MAP1A: variants seen among roughly 807,000 people sequenced by gnomAD.
The protein encoded by MAP1A is microtubule associated protein 1A.
In MAP1A, 42 loss-of-function variants were observed where a neutral mutation model predicts 185.9. That is an observed-to-expected ratio of 0.23 (90% CI 0.18 to 0.29). MAP1A has a LOEUF of 0.29. Ranked by LOEUF, MAP1A falls within the 10% of genes least tolerant of loss-of-function variation. The pLI, the probability that MAP1A is intolerant of heterozygous loss-of-function variation, is 1.00. For synonymous variants in MAP1A, 1,229 were observed against 1,335.9 expected (o/e 0.92, Z 1.74); for missense variants, 2,995 against 3,450.4 (o/e 0.87, Z 3.31).
In MAP1A at chr15:43,523,070, C is replaced by A; in HGVS notation, c.1597C>A (p.Gln533Lys). 1 of 1,614,190 alleles carries A rather than the reference C, an allele frequency of 6.2e-7. No homozygotes were observed. Among genetic ancestry groups the A allele is most frequent in the Non-Finnish European group, 8.5e-7 (1 of 1,180,042 alleles). ...CCTATCCTCACCAGAGGACCTCACA[C>A]AGGACTTTGAGGAGATGAAGCGTGA... Reference protein sequence around the residue: ...LVLSSPEDLTQDFEEMKREER... With the variant: ...LVLSSPEDLTKDFEEMKREER... Residue 533 changes from glutamine (Q) to lysine (K), a missense_variant, in exon 4 of 6, where the codon CAG (glutamine) becomes AAG (lysine). Physicochemically the swap from Gln to Lys is moderately conservative, Grantham distance 53 (BLOSUM62 1). Coordinates refer to ENST00000300231, the MANE Select transcript of MAP1A (RefSeq NM_002373.6).
upstream of MAP1A, among the ~76,000 whole-genome samples, chr15:43,514,023 C>T (rs1200018061): frequency 6.6e-6 from 1 of 152,214 alleles, no homozygotes; most frequent in Non-Finnish European, 1.5e-5. Flanking sequence ...AACCAAAGTA[C>T]TTAGCCATTC....
rs749638701 is a variant in MAP1A at position 43,530,722 on chromosome 15, TCTC to T, written c.*502_*504del. The T allele has an allele frequency of 6.6e-5, 11 of 167,622 alleles. No individual in the cohort carries two copies. The highest frequency in any genetic ancestry group is 1.1e-4 in the Non-Finnish European group (8 of 76,062). 10.4% of individuals were successfully genotyped at this position (167,622 alleles called of 1,614,324 possible). On this transcript the variant is annotated 3_prime_UTR_variant, in exon 6 of 6. Coordinates refer to ENST00000300231, the MANE Select transcript of MAP1A (RefSeq NM_002373.6). ...CCTTTCCTCCATTTCCCATCCCCCATCTCCTCAACCACCAGGGTCTGAGTTCTA... is the reference window on the plus strand; with the variant it reads ...CCTTTCCTCCATTTCCCATCCCCCATCTCAACCACCAGGGTCTGAGTTCTA...
rs1417194240 is a variant in MAP1A, at chr15:43,511,155, CTT to C, written c.169_170del (p.Leu57AlafsTer21). 4.5e-6 allele frequency: 7 copies of C among 1,550,558 alleles called. No individual in the cohort carries two copies. The East Asian group carries it at 9.8e-5, about 22-fold the overall frequency. ...GCACGCTGGGACCTGCAGAAGCACT[CTT>C]TGCTAATTGTGATCGGCGATATCGG... On this transcript the variant is annotated frameshift_variant, in exon 1 of 7. Coordinates refer to the MAP1A transcript ENST00000382031. LOFTEE classifies it high-confidence loss of function.
chr15:43,510,964 G>A (rs756286518), exon 1 of MAP1A: 3 of 1,489,088 alleles, frequency 2.0e-6, no homozygotes, highest in African/African-American at 2.8e-5. Flanking sequence ...GGAAGCTGCC[G>A]GACTAACACT....
At position 43,524,854 on chromosome 15, in the gene MAP1A, A is replaced by G; in HGVS notation, c.3381A>G (p.Gln1127=). 6.2e-7 allele frequency: 1 copy of G among 1,614,192 alleles called. No homozygotes were observed. The highest frequency in any genetic ancestry group is 1.7e-5 in the Admixed American group (1 of 60,028). The part of the protein sequence containing the change: ...ALPGGLRTLP[Q]EPGKPQKDEV... ...CCGGAGGTTTGAGGACTTTACCCCA[A>G]GAACCTGGCAAACCTCAGAAAGATG... is the stretch of plus-strand genomic sequence containing the variant. Residue 1127 remains glutamine (Q), a synonymous_variant, in exon 4 of 6, where the codon CAA becomes CAG. Transcript: ENST00000300231.
At position 43,531,577 on chromosome 15, in the gene MAP1A, A is replaced by G. The variant is rs1370903253; in HGVS notation, c.*1353A>G. 6.5e-6 allele frequency: 1 copy of G among 152,802 alleles called. No individual in the cohort carries two copies. Among genetic ancestry groups the G allele is most frequent in the Non-Finnish European group, 1.5e-5 (1 of 68,146 alleles). The allele number at this position is 152,802 out of a possible 1,614,324, so 9.5% of individuals were successfully genotyped here. A position where few individuals can be genotyped will look rare whatever the true frequency, so the allele number is the denominator to read the frequency against. On this transcript the variant is annotated 3_prime_UTR_variant, in exon 6 of 6. Coordinates refer to ENST00000300231, the MANE Select transcript of MAP1A (RefSeq NM_002373.6). ...AGTTCCCAGCTGCTGTAACGGAGCC[A>G]CCTCCAACTCTAACAATAAACCAAG...
chr15:43,518,713 C>T (rs574165748), intron 1 of MAP1A, among the ~76,000 whole-genome samples: 5 of 137,098 alleles, frequency 3.6e-5, no homozygotes, highest in Non-Finnish European at 6.3e-5. Context: ...AGCCCACCCC[C>T]CCCCGCAACT....
At chr15:43,520,526 C>G in intron 1 of MAP1A, 115 bp from the exon 2 acceptor site, 2 of 740,386 alleles carry the variant, frequency 2.7e-6, no homozygotes, top group South Asian at 3.2e-5. Context: ...GTGGCAGGGC[C>G]TAAGGATACC....
chr15:43,511,259 C>G (rs1172969321), intron 1 of MAP1A: 1 of 1,507,810 alleles, frequency 6.6e-7, no homozygotes, highest in East Asian at 2.5e-5. Flanking sequence ...CTTCAGGCAT[C>G]TCTACCCTGT....
rs544291014 is a variant in MAP1A, at chr15:43,529,570, C to G, written c.8035+62C>G. The G allele has an allele frequency of 1.1e-5, 17 of 1,603,982 alleles. No homozygotes were observed. The African/African-American group carries it at 2.0e-4, about 19-fold the overall frequency. ...TAGGGCTGGGTGTGGGCTGGTCAGA[C>G]TTCAGGAGTGGGACAGAGGGGAAGG... On this transcript the variant is annotated intron_variant, in intron 4 of 5. Transcript: ENST00000300231. This position sits in a 1 kb window ranked among gnomAD's most constrained non-coding sequence, Gnocchi z 4.3.
Position 43,528,799 on chromosome 15 carries a change from G to A in MAP1A, c.7326G>A (p.Arg2442=). The A allele has an allele frequency of 6.2e-7, 1 of 1,613,416 alleles. No homozygotes were observed. Among genetic ancestry groups the A allele is most frequent in the Non-Finnish European group, 8.5e-7 (1 of 1,179,942 alleles). The change falls in exon 4 of 6, where the codon CGG becomes CGA. Residue 2442 remains arginine (R), a synonymous_variant. Transcript: ENST00000300231. The part of the protein sequence containing the change: ...AGPQGCATEP[R]PHRGELSPSF... ...CCCAGGGATGTGCCACTGAGCCTCG[G>A]CCCCATCGTGGGGAGCTCTCCCCAT...
chr15:43,511,403 C>T (rs927256001), intron 1 of MAP1A, among the ~76,000 whole-genome samples: 17 of 152,230 alleles, frequency 1.1e-4, no homozygotes, highest in Non-Finnish European at 1.8e-4. Context: ...GCTCTACTAA[C>T]ATCTCGCTTG....
Position 43,527,235 on chromosome 15 carries a change from G to A in MAP1A, c.5762G>A (p.Arg1921Lys), listed in dbSNP as rs2079348612. 2 of 1,614,120 alleles carry A rather than the reference G, an allele frequency of 1.2e-6. No homozygotes were observed. The highest frequency in any genetic ancestry group is 1.3e-5 in the African/African-American group (1 of 75,044). The change falls in exon 4 of 6, where the codon AGG becomes AAG. Residue 1921 changes from arginine (R) to lysine (K), a missense_variant. Physicochemically the swap from Arg to Lys is conservative, Grantham distance 26. This residue lies in a region of MAP1A where 2,728 missense variants were observed against 2,986.0 expected (regional missense o/e 0.91). Coordinates refer to ENST00000300231, the MANE Select transcript of MAP1A (RefSeq NM_002373.6). ...KAEGEREEEG[R>K]AEAPDKSSHS... ...GAAGGGGAAAGGGAAGAAGAAGGTAGGGCTGAGGCTCCTGACAAAAGCTCA... is the reference window on the plus strand; with the variant it reads ...GAAGGGGAAAGGGAAGAAGAAGGTAAGGCTGAGGCTCCTGACAAAAGCTCA...
chr15:43,526,494 C>T lies in MAP1A; in HGVS notation c.5021C>T (p.Thr1674Ile). ...QKELAPAWED[T>I]SPEQDNRYWR... ...GAGCTTGCCCCGGCATGGGAGGACA[C>T]ATCTCCTGAGCAGGACAATAGGTAT... The change falls in exon 4 of 6, where the codon ACA becomes ATA. Residue 1674 changes from threonine to isoleucine, a missense_variant. By Grantham distance (89) the Thr-to-Ile change is moderately conservative (BLOSUM62 -1). Coordinates refer to ENST00000300231, the MANE Select transcript of MAP1A (RefSeq NM_002373.6). The surrounding 1 kb of genome is among the most constrained non-coding windows in gnomAD (Gnocchi z 4.7). The T allele has an allele frequency of 1.2e-6, 2 of 1,614,132 alleles. No individual in the cohort carries two copies. Among genetic ancestry groups the T allele is most frequent in the Non-Finnish European group, 1.7e-6 (2 of 1,180,028 alleles).
In MAP1A at chr15:43,523,916, A is replaced by G. The variant is rs1566977708; in HGVS notation, c.2443A>G (p.Ile815Val). The G allele has an allele frequency of 6.2e-7, 1 of 1,614,144 alleles. No homozygotes were observed. Among genetic ancestry groups the G allele is most frequent in the East Asian group, 2.2e-5 (1 of 44,878 alleles). The change falls in exon 4 of 6, where the codon ATA becomes GTA. Residue 815 changes from isoleucine (I) to valine (V), a missense_variant. Physicochemically the swap from Ile to Val is conservative, Grantham distance 29. Transcript: ENST00000300231. ...PETELTYPTN[I>V]VAAPLAEEEH... ...GACTGAACTCACCTACCCCACTAAC[A>G]TAGTGGCTGCCCCTTTGGCTGAAGA...
At chr15:43,517,890 C>T (rs1270703403) in intron 1 of MAP1A, among the ~76,000 whole-genome samples, 190 bp downstream of exon 1, 2 of 152,106 alleles carry the variant, frequency 1.3e-5, no homozygotes, top group African/African-American at 4.8e-5. Context: ...GACCCAGAAC[C>T]AGAGGCCACC....
At position 43,518,708 on chromosome 15, in the gene MAP1A, A is replaced by ACC. The variant is rs34711237; in HGVS notation, c.-375+1016_-375+1017dup. 7.4e-3 allele frequency among the ~76,000 whole-genome samples: 619 copies of ACC among 83,424 alleles called. 6 individuals carry two copies. The highest frequency in any genetic ancestry group is 0.018 in the South Asian group (44 of 2,394). 54.7% of individuals were successfully genotyped at this position (83,424 alleles called of 152,430 possible). ...CTGCTCAGCCTCTGCACCGCAGCCC[A>ACC]CCCCCCCCCGCAACTCCAGCACTGG... On this transcript the variant is annotated intron_variant, in intron 1 of 5. Transcript: ENST00000300231.
chr15:43,512,014 G>A (rs982826803), intron 1 of MAP1A, among the ~76,000 whole-genome samples: 3 of 152,204 alleles, frequency 2.0e-5, no homozygotes, highest in Admixed American at 6.5e-5. Flanking sequence ...TGTAAACTGG[G>A]AGAAAGACAC....
chr15:43,520,762 G>A, intron 2 of MAP1A, 39 bp downstream of exon 2: 2 of 1,480,322 alleles, frequency 1.4e-6, no homozygotes, highest in South Asian at 1.2e-5. Flanking sequence ...CAGGCCTGGT[G>A]CAAGTGCTAT....
Sources: allele counts gnomAD v4.1 joint callset (sites outside exome capture counted in the v4.1 genomes callset), GRCh38; gene constraint gnomAD v4.1.1; regional missense constraint gnomAD v4.1.1; non-coding constraint Gnocchi (gnomAD v3.1); transcripts MANE v1.5; gene names NCBI Gene and HGNC (gene_info 2026-07-23, HGNC 2026-07-21).